Variants in ECE1 observed in about 807,000 individuals in gnomAD.
The protein encoded by ECE1 is endothelin converting enzyme 1, also known as endothelin-converting enzyme 1.
A neutral mutation model predicts 98.6 loss-of-function variants in ECE1; 35 were observed. The observed-to-expected ratio is 0.35, with a 90% CI of 0.27 to 0.47. The LOEUF (loss-of-function observed/expected upper bound fraction) is 0.47. Ranked by LOEUF, ECE1 falls within the 20% of genes least tolerant of loss-of-function variation. ECE1 has a pLI of 1.00. For missense variants in ECE1, 814 were observed against 1,025.3 expected (o/e 0.79, Z 2.81); for synonymous variants, 394 against 407.1 (o/e 0.97, Z 0.39).
chr1:21,260,203 A>G lies in ECE1; in HGVS notation c.615+68T>C. On this transcript the variant is annotated intron_variant, in intron 5 of 18. Coordinates refer to ENST00000374893, the MANE Select transcript of ECE1 (RefSeq NM_001397.3). This position sits in a 1 kb window ranked among gnomAD's most constrained non-coding sequence, Gnocchi z 4.3. ...TGGGCCAGTGGTACCAGAAGGCTGG[A>G]GTGGAAGCCAGGGGGCGGGCAGGTG... The G allele has an allele frequency of 2.5e-6, 4 of 1,608,896 alleles. No individual in the cohort carries two copies. The highest frequency in any genetic ancestry group is 3.4e-6 in the Non-Finnish European group (4 of 1,176,400).
At chr1:21,254,290 A>G (rs1347783748) in intron 8 of ECE1, among the ~76,000 whole-genome samples, 3 of 152,062 alleles carry the variant, frequency 2.0e-5, no homozygotes, top group Non-Finnish European at 4.4e-5. Context: ...TTGGGTACTT[A>G]GAACACAGAG....
intron 1 of ECE1, among the ~76,000 whole-genome samples, chr1:21,331,057 C>T (rs1004098587): frequency 1.3e-5 from 2 of 152,152 alleles, no homozygotes; most frequent in Non-Finnish European, 2.9e-5. Context: ...AGGACGATCG[C>T]TTGAGCCCGA....
chr1:21,243,617 G>A lies in ECE1; in HGVS notation c.1278+1372C>T, dbSNP rs534394388. On this transcript the variant is annotated intron_variant, in intron 10 of 18. Coordinates refer to ENST00000374893, the MANE Select transcript of ECE1 (RefSeq NM_001397.3). Reference sequence around the variant, plus strand: ...TGGGAAGGTGAGAGAATATGTGGGTGTATGTTCCACACACAGACCATCTTT... The same window carrying A: ...TGGGAAGGTGAGAGAATATGTGGGTATATGTTCCACACACAGACCATCTTT... 5.9e-5 allele frequency among the ~76,000 whole-genome samples: 9 copies of A among 152,344 alleles called. No individual in the cohort carries two copies. In the South Asian group the frequency reaches 1.9e-3, roughly 32 times the overall value.
At chr1:21,343,045 C>T (rs1415869013) in intron 1 of ECE1, among the ~76,000 whole-genome samples, 2 of 152,188 alleles carry the variant, frequency 1.3e-5, no homozygotes, top group African/African-American at 4.8e-5. Flanking sequence ...GCACTCACAC[C>T]TCTGCTCCTC....
chr1:21,333,833 CA>C (rs750240985), intron 1 of ECE1, among the ~76,000 whole-genome samples: 229 of 139,158 alleles, frequency 1.6e-3, no homozygotes, highest in Middle Eastern at 3.7e-3. Flanking sequence ...GACTCCGTCT[CA>C]AAAAAAAAAA....
intron 1 of ECE1, among the ~76,000 whole-genome samples, chr1:21,320,006 C>G (rs538255306): frequency 6.6e-6 from 1 of 152,172 alleles, no homozygotes; most frequent in Non-Finnish European, 1.5e-5. Flanking sequence ...TAAAATACAC[C>G]AACGATAGCC....
intron 1 of ECE1, among the ~76,000 whole-genome samples, chr1:21,315,941 C>T (rs574633025): frequency 6.6e-6 from 1 of 152,066 alleles, no homozygotes; most frequent in Non-Finnish European, 1.5e-5. Flanking sequence ...GCTGTAGGAC[C>T]TTAAGAATGG....
chr1:21,269,485 A>C (rs1044310655), intron 4 of ECE1, among the ~76,000 whole-genome samples: 1 of 152,148 alleles, frequency 6.6e-6, no homozygotes, highest in Non-Finnish European at 1.5e-5. Context: ...TAATGAGCTG[A>C]GTTTCAGTTA....
At chr1:21,298,857 G>T (rs1407469480) in intron 1 of ECE1, 2 of 456,128 alleles carry the variant, frequency 4.4e-6, no homozygotes, top group Non-Finnish European at 8.8e-6. Flanking sequence ...CTCCCAGCTG[G>T]GTTTAAGGGG....
At chr1:21,324,380 G>A (rs377631887) in intron 1 of ECE1, among the ~76,000 whole-genome samples, 2 of 152,228 alleles carry the variant, frequency 1.3e-5, no homozygotes, top group African/African-American at 4.8e-5. Flanking sequence ...ATCCATCAGT[G>A]CGGGACTGAC....
intron 1 of ECE1, among the ~76,000 whole-genome samples, chr1:21,314,323 C>T (rs191961359): frequency 3.2e-3 from 481 of 152,342 alleles, no homozygotes; most frequent in Non-Finnish European, 5.2e-3. Context: ...GCCACATTCC[C>T]AAACCCCCTC....
rs11807691 is a variant in ECE1 at position 21,340,469 on chromosome 1, C to A, written c.3+4907G>T. 1.3e-5 allele frequency among the ~76,000 whole-genome samples: 2 copies of A among 152,212 alleles called. No individual in the cohort carries two copies. Among genetic ancestry groups the A allele is most frequent in the Non-Finnish European group, 2.9e-5 (2 of 68,042 alleles). ...GGTTTCCCAGCCTTCGGCCTCACTC[C>A]TTCTACTCAATCACCACAAAGCAGC... On this transcript the variant is annotated intron_variant, in intron 1 of 18. Transcript: ENST00000415912. The surrounding 1 kb of genome is among the most constrained non-coding windows in gnomAD (Gnocchi z 4.6).
chr1:21,332,928 A>C (rs969423281), intron 1 of ECE1, among the ~76,000 whole-genome samples: 1 of 152,046 alleles, frequency 6.6e-6, no homozygotes, highest in Admixed American at 6.5e-5. Flanking sequence ...ACACTGTTAC[A>C]ATATTAGTGC....
chr1:21,222,048 C>T, intron 17 of ECE1: 1 of 605,954 alleles, frequency 1.7e-6, no homozygotes, highest in Non-Finnish European at 3.0e-6. Flanking sequence ...GCACTGATGG[C>T]TCTCACATTT....
rs878912462 is a variant in ECE1 at position 21,233,494 on chromosome 1, C to T, written c.1670+64G>A. On this transcript the variant is annotated intron_variant, in intron 14 of 18. Transcript: ENST00000374893. The surrounding 1 kb of genome is among the most constrained non-coding windows in gnomAD (Gnocchi z 4.0). ...AGTGAGGGTGCAATGAAGGCCAGTT[C>T]GTCCCAAGGCTTGCCCACAGGTGGG... 7 of 1,490,202 alleles carry T rather than the reference C, an allele frequency of 4.7e-6. No individual in the cohort carries two copies. The highest frequency in any genetic ancestry group is 2.3e-5 in the East Asian group (1 of 44,164). The allele number at this position is 1,490,202 out of a possible 1,614,324, so 92.3% of individuals were successfully genotyped here.
At position 21,260,434 on chromosome 1, in the gene ECE1, G is replaced by T; in HGVS notation, c.494-42C>A. 2 of 1,612,960 alleles carry T rather than the reference G, an allele frequency of 1.2e-6. No individual in the cohort carries two copies. The highest frequency in any genetic ancestry group is 1.7e-6 in the Non-Finnish European group (2 of 1,179,110). ...TGGAGTTTGCAATGCGGCCCCACTTGCCCACTGGGTGGCTTTGGGGCAGTC... is the reference window on the plus strand; with the variant it reads ...TGGAGTTTGCAATGCGGCCCCACTTTCCCACTGGGTGGCTTTGGGGCAGTC... On this transcript the variant is annotated intron_variant, in intron 4 of 18. Transcript: ENST00000374893. This position sits in a 1 kb window ranked among gnomAD's most constrained non-coding sequence, Gnocchi z 4.3.
chr1:21,248,173 C>CT (rs150020555), intron 8 of ECE1, among the ~76,000 whole-genome samples: 295 of 144,264 alleles, frequency 2.0e-3, no homozygotes, highest in South Asian at 3.1e-3. Context: ...GTCAGCTCTA[C>CT]TTTTTTTTTT....
rs568400122 is a variant in ECE1 at position 21,317,682 on chromosome 1, G to A, written c.4-27526C>T. ...CTCTGTGAGCTAGGCAGGAAAGCCC[G>A]GTTCCATTCCTGCCCAGTTCTCTTC... On this transcript the variant is annotated intron_variant, in intron 1 of 18. Coordinates refer to the ECE1 transcript ENST00000415912. 5.1e-4 allele frequency among the ~76,000 whole-genome samples: 78 copies of A among 152,202 alleles called. 2 individuals carry two copies. The highest frequency in any genetic ancestry group is 9.2e-4 in the Admixed American group (14 of 15,288).
At chr1:21,308,413 A>G (rs1411072316) in intron 1 of ECE1, among the ~76,000 whole-genome samples, 4 of 151,824 alleles carry the variant, frequency 2.6e-5, no homozygotes, top group African/African-American at 9.7e-5. Flanking sequence ...AGCACTCTCT[A>G]TTTGGGGGAA....
Sources: allele counts gnomAD v4.1 joint callset (sites outside exome capture counted in the v4.1 genomes callset), GRCh38; gene constraint gnomAD v4.1.1; non-coding constraint Gnocchi (gnomAD v3.1); transcripts MANE v1.5; gene names NCBI Gene and HGNC (gene_info 2026-07-23, HGNC 2026-07-21).